Variants in POLK observed in about 807,000 individuals in gnomAD.
POLK encodes the protein DNA polymerase kappa.
Under a neutral mutation model 94.0 loss-of-function variants are expected in POLK, and 76 were observed. That is an observed-to-expected ratio of 0.81 (90% CI 0.67 to 0.98). The LOEUF is 0.98. Among genes scored for constraint, POLK ranks in the 50% least tolerant of loss-of-function variants. POLK has a pLI of 0.00. For synonymous variants in POLK, 349 were observed against 325.4 expected (o/e 1.07, Z -0.78); for missense variants, 954 against 1,010.1 (o/e 0.94, Z 0.75).
intron 1 of POLK, among the ~76,000 whole-genome samples, chr5:75,533,110 TTG>T: frequency 6.6e-6 from 1 of 152,340 alleles, no homozygotes; most frequent in South Asian, 2.1e-4. Flanking sequence ...TTGTCAGTTT[TTG>T]TTTTTGTTGT....
chr5:75,577,968 A>G (rs1462192070), intron 6 of POLK, among the ~76,000 whole-genome samples: 3 of 152,212 alleles, frequency 2.0e-5, no homozygotes. Flanking sequence ...AGGATGTGGA[A>G]CATAAAGCCT....
chr5:75,547,652 G>A (rs563067821), intron 2 of POLK, among the ~76,000 whole-genome samples: 6 of 152,198 alleles, frequency 3.9e-5, no homozygotes, highest in South Asian at 2.1e-4. Context: ...CTTTCTATAT[G>A]TGCAAGTATA....
At chr5:75,534,786 A>G (rs568826497) in intron 1 of POLK, 38 of 152,304 alleles carry the variant, frequency 2.5e-4, no homozygotes, top group African/African-American at 8.7e-4. Flanking sequence ...TGAAATTACA[A>G]TAGCAATCCA....
chr5:75,514,573 T>C (rs1484651562), intron 1 of POLK, among the ~76,000 whole-genome samples: 1 of 152,236 alleles, frequency 6.6e-6, no homozygotes, highest in East Asian at 1.9e-4. Flanking sequence ...TTATTCTTAC[T>C]TTACATATGA....
rs575267068 is a variant in POLK, at chr5:75,533,652, T to C, written c.-13-13358T>C. Among the ~76,000 whole-genome samples, 3 of 152,354 alleles carry C rather than the reference T, an allele frequency of 2.0e-5. No homozygotes were observed. In the South Asian group the frequency reaches 6.2e-4, roughly 32 times the overall value. On this transcript the variant is annotated intron_variant, in intron 1 of 14. Coordinates refer to ENST00000241436, the Ensembl canonical transcript of POLK. ...AGTGTCCTTTGTAGTTTGATGGAAA[T>C]AGCGCTGAATCTGTAATTTGCTTTG... is the stretch of plus-strand genomic sequence containing the variant.
chr5:75,519,682 T>C (rs1249399519), intron 1 of POLK, among the ~76,000 whole-genome samples: 1 of 152,230 alleles, frequency 6.6e-6, no homozygotes, highest in African/African-American at 2.4e-5. Flanking sequence ...TTTTATCTGA[T>C]ATGTTAGCTA....
At chr5:75,585,080 G>C (rs1243162449) in intron 9 of POLK, among the ~76,000 whole-genome samples, 154 bp downstream of exon 9, 2 of 152,196 alleles carry the variant, frequency 1.3e-5, no homozygotes, top group Non-Finnish European at 2.9e-5. Context: ...TCAACAGATT[G>C]GATGTAGGAG....
intron 3 of POLK, among the ~76,000 whole-genome samples, chr5:75,557,815 A>G (rs1375667246): frequency 3.3e-5 from 5 of 152,138 alleles, no homozygotes; most frequent in African/African-American, 1.2e-4. Flanking sequence ...TTTGAGACAG[A>G]GTCTCCCTCT....
intron 1 of POLK, chr5:75,512,168 G>A (rs1768068037): frequency 2.0e-5 from 4 of 198,784 alleles, no homozygotes; most frequent in African/African-American, 7.0e-5. Context: ...ATGGGCTGGG[G>A]TTTTGTGAGC....
intron 1 of POLK, among the ~76,000 whole-genome samples, chr5:75,546,459 A>G (rs1356559400): frequency 3.9e-5 from 6 of 152,170 alleles, no homozygotes; most frequent in African/African-American, 1.4e-4. Context: ...CGTGTTGTCT[A>G]AGAGTCACCT....
intron 3 of POLK, among the ~76,000 whole-genome samples, chr5:75,559,061 G>C (rs1770798674): frequency 6.6e-6 from 1 of 152,240 alleles, no homozygotes; most frequent in South Asian, 2.1e-4. Flanking sequence ...TATGTTGATT[G>C]TTCAATTGTT....
intron 9 of POLK, among the ~76,000 whole-genome samples, chr5:75,586,163 G>A (rs5744687): frequency 0.012 from 1,867 of 152,132 alleles, 38 homozygotes; most frequent in African/African-American, 0.043. Context: ...AGAGATCCAG[G>A]TAAGGCTTTT....
At chr5:75,547,855 CTT>C (rs1489105593) in intron 2 of POLK, among the ~76,000 whole-genome samples, 5 of 152,154 alleles carry the variant, frequency 3.3e-5, no homozygotes, top group Admixed American at 6.5e-5. Flanking sequence ...TATTACTAAA[CTT>C]TTGTATTTGG....
intron 3 of POLK, among the ~76,000 whole-genome samples, chr5:75,560,270 T>C (rs1251053331): frequency 1.3e-5 from 2 of 152,184 alleles, no homozygotes; most frequent in Non-Finnish European, 2.9e-5. Context: ...ATGACACATA[T>C]ACCCAATAAA....
At chr5:75,580,650 C>CA (rs1772146861) in intron 6 of POLK, 12 of 296,266 alleles carry the variant, frequency 4.1e-5, no homozygotes, top group Non-Finnish European at 6.0e-5. Flanking sequence ...ACTTTATAAA[C>CA]AAGCAAATCA....
At chr5:75,545,010 A>ACTC (rs1195818103) in intron 1 of POLK, among the ~76,000 whole-genome samples, 1 of 151,916 alleles carries the variant, frequency 6.6e-6, no homozygotes, top group Non-Finnish European at 1.5e-5. Flanking sequence ...TCTTTAAAAT[A>ACTC]CTCCTATCTG....
intron 3 of POLK, among the ~76,000 whole-genome samples, chr5:75,559,523 GTT>G (rs775525619): frequency 0.017 from 949 of 54,506 alleles, 1 homozygote; most frequent in African/African-American, 0.037. Context: ...GTTTTGTTTT[GTT>G]TTTTTTTTTT....
In POLK at chr5:75,541,252, T is replaced by C. The variant is rs1769725004; in HGVS notation, c.-13-5758T>C. On this transcript the variant is annotated intron_variant, in intron 1 of 14. Transcript: ENST00000241436. ...GTTGCCGTGAGCCGATATCGCACCA[T>C]TGCACTCCAGCCTGGGCAACAAGAC... Among the ~76,000 whole-genome samples, 3 of 151,988 alleles carry C rather than the reference T, an allele frequency of 2.0e-5. No homozygotes were observed. The South Asian group carries it at 6.2e-4, about 32-fold the overall frequency.
At chr5:75,581,678 CTT>C (rs1158442197) in intron 7 of POLK, 5,213 of 299,496 alleles carry the variant, frequency 0.017, no homozygotes, top group South Asian at 0.03. Context: ...ACGTTTCTTT[CTT>C]TTTTTTTTTT....
Sources: gnomAD v4.1 joint callset for allele counts (sites outside exome capture counted in the v4.1 genomes callset) on GRCh38, gnomAD v4.1.1 for gene constraint, MANE v1.5 for transcripts, NCBI Gene and HGNC (gene_info 2026-07-23, HGNC 2026-07-21) for gene names.